The following STAU1 variants were observed in gnomAD, a reference collection of about 807,000 sequenced individuals.
STAU1 encodes the protein double-stranded RNA-binding protein Staufen homolog 1.
STAU1 carries 13 observed loss-of-function variants against 62.9 expected under a neutral mutation model. The observed-to-expected ratio is 0.21, with a 90% CI of 0.13 to 0.33. The LOEUF (loss-of-function observed/expected upper bound fraction) is 0.33, where lower values mean the gene tolerates loss of function less well. Ranked by LOEUF, STAU1 falls within the 10% of genes least tolerant of loss-of-function variation. The pLI, the probability that STAU1 is intolerant of heterozygous loss-of-function variation, is 1.00. For synonymous variants in STAU1, 269 were observed against 265.1 expected (o/e 1.01, Z -0.14); for missense variants, 571 against 712.1 (o/e 0.80, Z 2.25).
intron 1 of STAU1, among the ~76,000 whole-genome samples, chr20:49,180,416 C>A (rs140375139): frequency 1.3e-5 from 2 of 151,972 alleles, no homozygotes; most frequent in Non-Finnish European, 2.9e-5. Context: ...CTCCACCTCC[C>A]GGGTTCAAGC....
At chr20:49,197,726 C>T in the STAU1 span, among the ~76,000 whole-genome samples, 12 of 151,706 alleles carry the variant, frequency 7.9e-5, no homozygotes, top group Non-Finnish European at 1.5e-4. Context: ...TTATTTTTTT[C>T]TTCCAGTCAG....
chr20:49,174,753 C>T (rs2093638177), intron 1 of STAU1, among the ~76,000 whole-genome samples: 2 of 152,022 alleles, frequency 1.3e-5, no homozygotes, highest in South Asian at 4.1e-4. Flanking sequence ...CTGGCTAACA[C>T]GGTGAAACTC....
At chr20:49,197,844 T>C in the STAU1 span, among the ~76,000 whole-genome samples, 6 of 152,208 alleles carry the variant, frequency 3.9e-5, no homozygotes, top group East Asian at 9.7e-4. Context: ...TAGCTGGGAA[T>C]ACAGGTGCAC....
chr20:49,171,380 C>T (rs1277165333), intron 2 of STAU1, among the ~76,000 whole-genome samples: 1 of 152,162 alleles, frequency 6.6e-6, no homozygotes, highest in East Asian at 1.9e-4. Context: ...CTGCAAGTTC[C>T]GCCTGCCAGG....
intron 13 of STAU1, 136 bp from the exon 14 acceptor site, chr20:49,115,029 C>G (rs1040982307): frequency 1.9e-5 from 16 of 850,446 alleles, no homozygotes; most frequent in Non-Finnish European, 3.0e-5. Flanking sequence ...CAAAAGTTTT[C>G]CCAGGGTATG....
intron 1 of STAU1, among the ~76,000 whole-genome samples, chr20:49,177,198 C>T (rs1173115842): frequency 2.0e-5 from 3 of 151,484 alleles, no homozygotes; most frequent in Non-Finnish European, 2.9e-5. Flanking sequence ...GCGTGAGCCA[C>T]CGCACCTGGC....
intron 6 of STAU1, among the ~76,000 whole-genome samples, chr20:49,127,788 G>A (rs1423343372): frequency 3.3e-5 from 5 of 152,176 alleles, no homozygotes; most frequent in Admixed American, 2.0e-4. Flanking sequence ...CAAGGCGGGT[G>A]GATGGCTTCA....
chr20:49,211,915 C>G, the STAU1 span, among the ~76,000 whole-genome samples: 1 of 152,224 alleles, frequency 6.6e-6, no homozygotes, highest in African/African-American at 2.4e-5. Flanking sequence ...CTGTTTTCCA[C>G]ACCAGCTAAC....
At chr20:49,125,515 G>A (rs2092588745) in intron 6 of STAU1, among the ~76,000 whole-genome samples, 2 of 126,824 alleles carry the variant, frequency 1.6e-5, no homozygotes, top group South Asian at 5.3e-4. Context: ...AAGCGATAGA[G>A]TAAGACCCTG....
At chr20:49,118,604 T>G (rs985870235) in intron 9 of STAU1, among the ~76,000 whole-genome samples, 196 bp from the exon 10 acceptor site, 1 of 152,074 alleles carries the variant, frequency 6.6e-6, no homozygotes, top group African/African-American at 2.4e-5. Flanking sequence ...TAATGCACCC[T>G]CCTGCCCACA....
At chr20:49,183,894 G>A (rs914751192) in intron 1 of STAU1, among the ~76,000 whole-genome samples, 2 of 150,108 alleles carry the variant, frequency 1.3e-5, no homozygotes, top group Admixed American at 6.7e-5. Context: ...CAAACACTTC[G>A]AATATTAAAC....
the STAU1 span, among the ~76,000 whole-genome samples, chr20:49,194,772 T>TTTC: frequency 1.4e-5 from 2 of 145,046 alleles, no homozygotes; most frequent in Non-Finnish European, 3.0e-5. Context: ...AGAGATGGGG[T>TTTC]TTCACTCTGT....
intron 5 of STAU1, among the ~76,000 whole-genome samples, chr20:49,151,122 A>G (rs1648077173): frequency 6.6e-6 from 1 of 152,202 alleles, no homozygotes; most frequent in South Asian, 2.1e-4. Flanking sequence ...CCATCACTAA[A>G]TTCTATGATG....
intron 3 of STAU1, among the ~76,000 whole-genome samples, chr20:49,163,811 C>A (rs2093485969): frequency 6.6e-6 from 1 of 152,118 alleles, no homozygotes; most frequent in African/African-American, 2.4e-5. Flanking sequence ...GTTGCCCAGG[C>A]TGGAGTAAGA....
chr20:49,162,890 G>A (rs117257533), intron 3 of STAU1, among the ~76,000 whole-genome samples: 2,088 of 151,668 alleles, frequency 0.014, 18 homozygotes, highest in Non-Finnish European at 0.022. Flanking sequence ...GGTAACTCTG[G>A]TATAGAAATA....
chr20:49,196,038 GC>G, the STAU1 span, among the ~76,000 whole-genome samples: 1 of 141,226 alleles, frequency 7.1e-6, no homozygotes, highest in South Asian at 2.3e-4. Context: ...CAGGAGAATA[GC>G]CTGAACCCAA....
At chr20:49,125,057 C>T (rs1339678655) in intron 6 of STAU1, among the ~76,000 whole-genome samples, 34 of 122,024 alleles carry the variant, frequency 2.8e-4, no homozygotes, top group Non-Finnish European at 4.7e-4. Context: ...GAGGGATTCC[C>T]CGCACACATT....
intron 5 of STAU1, among the ~76,000 whole-genome samples, chr20:49,144,862 G>T (rs1005643780): frequency 6.6e-6 from 1 of 152,066 alleles, no homozygotes; most frequent in Non-Finnish European, 1.5e-5. Context: ...TGGCATATTT[G>T]GGAGTAGATG....
At chr20:49,141,018 T>A (rs1723613876) in intron 5 of STAU1, among the ~76,000 whole-genome samples, 1 of 150,870 alleles carries the variant, frequency 6.6e-6, no homozygotes, top group Admixed American at 6.6e-5. Context: ...TGCTAAGAAC[T>A]GTGCCAATGA....
Sources: gnomAD v4.1 joint callset for allele counts (sites outside exome capture counted in the v4.1 genomes callset) on GRCh38, gnomAD v4.1.1 for gene constraint, MANE v1.5 for transcripts, NCBI Gene and HGNC (gene_info 2026-07-23, HGNC 2026-07-21) for gene names.